The following B3GALT1 variants were observed in gnomAD, a reference collection of about 807,000 sequenced individuals.
B3GALT1 encodes beta-1,3-galactosyltransferase 1, also known as UDP-Gal:betaGlcNAc beta 1,3-galactosyltransferase, polypeptide 1.
A neutral mutation model predicts 23.2 loss-of-function variants in B3GALT1; 10 were observed. The ratio of observed to expected loss-of-function variants is 0.43; its 90% CI spans 0.27 to 0.73. The LOEUF (loss-of-function observed/expected upper bound fraction) is 0.73. Among genes scored for constraint, B3GALT1 ranks in the 30% least tolerant of loss-of-function variants. The probability of loss-of-function intolerance (pLI) is 0.21; values close to 1 mark genes in which losing one functional copy is unlikely to be tolerated. For synonymous variants in B3GALT1, 156 were observed against 141.5 expected (o/e 1.10, Z -0.73); for missense variants, 299 against 405.4 (o/e 0.74, Z 2.25).
chr2:167,321,543 A>G (rs1170303755), intron 1 of B3GALT1, among the ~76,000 whole-genome samples: 2 of 152,054 alleles, frequency 1.3e-5, no homozygotes, highest in African/African-American at 4.8e-5. Flanking sequence ...ATCTCCCTGA[A>G]TATCCAAGCA....
chr2:167,538,520 C>T (rs2105372243), intron 2 of B3GALT1, among the ~76,000 whole-genome samples: 1 of 152,216 alleles, frequency 6.6e-6, no homozygotes, highest in East Asian at 1.9e-4. Context: ...TATTGTTTCA[C>T]CTTTTTGCTT....
chr2:167,537,442 T>C (rs1317811233), intron 2 of B3GALT1, among the ~76,000 whole-genome samples: 1 of 152,114 alleles, frequency 6.6e-6, no homozygotes, highest in Admixed American at 6.5e-5. Context: ...GAGAATCTAG[T>C]AAAGACAGCA....
At chr2:167,855,036 T>G (rs909577756) in intron 4 of B3GALT1, among the ~76,000 whole-genome samples, 13 of 152,138 alleles carry the variant, frequency 8.5e-5, no homozygotes, top group Admixed American at 2.0e-4. Flanking sequence ...GATACCTTAA[T>G]ATTGTTAAGG....
chr2:167,528,519 G>A (rs1683260806), intron 2 of B3GALT1, among the ~76,000 whole-genome samples: 1 of 152,088 alleles, frequency 6.6e-6, no homozygotes, highest in African/African-American at 2.4e-5. Context: ...AGACAAGAGT[G>A]TATAGTCCAT....
chr2:167,303,591 C>A (rs142969330), intron 1 of B3GALT1, among the ~76,000 whole-genome samples: 6 of 151,800 alleles, frequency 4.0e-5, no homozygotes, highest in African/African-American at 1.5e-4. Context: ...GCAAATAGCT[C>A]TTTCTGCTTG....
intron 1 of B3GALT1, among the ~76,000 whole-genome samples, chr2:167,339,152 A>G (rs1489648882): frequency 6.6e-6 from 1 of 152,222 alleles, no homozygotes; most frequent in African/African-American, 2.4e-5. Flanking sequence ...AGAAACTCAC[A>G]TAAGGATGTT....
At chr2:167,516,850 T>C (rs1408806247) in intron 2 of B3GALT1, among the ~76,000 whole-genome samples, 2 of 151,922 alleles carry the variant, frequency 1.3e-5, no homozygotes, top group Non-Finnish European at 2.9e-5. Context: ...CTCTCTTTAT[T>C]ACTTCTTTTT....
At chr2:167,815,684 C>T (rs1482539206) in intron 3 of B3GALT1, among the ~76,000 whole-genome samples, 8 of 152,100 alleles carry the variant, frequency 5.3e-5, no homozygotes, top group South Asian at 2.1e-4. Context: ...TAAACAGCAC[C>T]GGCAAAATTC....
chr2:167,865,020 A>G (rs1358897091), intron 4 of B3GALT1, among the ~76,000 whole-genome samples: 1 of 152,024 alleles, frequency 6.6e-6, no homozygotes, highest in Non-Finnish European at 1.5e-5. Context: ...TGTTTCTGTT[A>G]TATTTCTCCT....
chr2:167,567,305 A>G (rs1684189796), intron 2 of B3GALT1, among the ~76,000 whole-genome samples: 1 of 152,194 alleles, frequency 6.6e-6, no homozygotes, highest in African/African-American at 2.4e-5. Flanking sequence ...ATAGTGTTCA[A>G]ATGAATGTAA....
chr2:167,752,554 T>C (rs2105288135), intron 3 of B3GALT1, among the ~76,000 whole-genome samples: 1 of 151,616 alleles, frequency 6.6e-6, no homozygotes, highest in East Asian at 1.9e-4. Context: ...TTTCCATCAG[T>C]GCAGAATAAT....
rs1279138835 is a variant in B3GALT1 at position 167,295,246 on chromosome 2, A to AC, written c.-511+1912_-511+1913insC. On this transcript the variant is annotated intron_variant, in intron 1 of 4. Coordinates refer to ENST00000392690, the MANE Select transcript of B3GALT1 (RefSeq NM_020981.4). The stretch of plus-strand genomic sequence containing the variant: ...GACTAGTAAAAAATTGGTGCTAAGT[A>AC]TTTTCTTCTTAGCATTCATCATGTC... Among the ~76,000 whole-genome samples the AC allele has an allele frequency of 5.9e-5, 9 of 152,136 alleles. 1 individual carries two copies. Among genetic ancestry groups the AC allele is most frequent in the African/African-American group, 1.7e-4 (7 of 41,496 alleles).
chr2:167,369,853 TC>T (rs1453702969), intron 1 of B3GALT1, among the ~76,000 whole-genome samples: 3 of 152,196 alleles, frequency 2.0e-5, no homozygotes, highest in African/African-American at 7.2e-5. Flanking sequence ...AAAGTAAAAT[TC>T]AGCACAGTGC....
chr2:167,795,693 T>A (rs1374279), intron 3 of B3GALT1, among the ~76,000 whole-genome samples: 12,871 of 152,180 alleles, frequency 0.085, 712 homozygotes, highest in Middle Eastern at 0.21. Flanking sequence ...CTGGTTGGTT[T>A]TCTCATTTTT....
At chr2:167,778,198 G>A (rs1034942796) in intron 3 of B3GALT1, among the ~76,000 whole-genome samples, 2 of 152,144 alleles carry the variant, frequency 1.3e-5, no homozygotes, top group Non-Finnish European at 2.9e-5. Flanking sequence ...AAGATAGTAA[G>A]AAGGTTTTCT....
At chr2:167,499,019 T>G (rs989771999) in intron 2 of B3GALT1, among the ~76,000 whole-genome samples, 2 of 152,136 alleles carry the variant, frequency 1.3e-5, no homozygotes, top group Admixed American at 6.5e-5. Context: ...TTGTTGGTCG[T>G]TTTTTGAGTT....
chr2:167,349,275 A>G (rs1697274320), intron 1 of B3GALT1, among the ~76,000 whole-genome samples: 1 of 152,148 alleles, frequency 6.6e-6, no homozygotes, highest in Admixed American at 6.5e-5. Context: ...TACCTTAATC[A>G]TCCTTTTGTC....
At chr2:167,629,707 G>A (rs376892323) in intron 2 of B3GALT1, among the ~76,000 whole-genome samples, 72 of 151,720 alleles carry the variant, frequency 4.7e-4, no homozygotes, top group South Asian at 4.4e-3. Flanking sequence ...TCCCTAAGAC[G>A]CATTAGAATA....
chr2:167,696,810 CT>C (rs1237401649), intron 3 of B3GALT1, among the ~76,000 whole-genome samples: 14 of 152,160 alleles, frequency 9.2e-5, no homozygotes, highest in African/African-American at 3.4e-4. Context: ...ACTCGTCCAT[CT>C]CTTCTATCAA....
Sources: gnomAD v4.1 joint callset for allele counts (sites outside exome capture counted in the v4.1 genomes callset) on GRCh38, gnomAD v4.1.1 for gene constraint, MANE v1.5 for transcripts, NCBI Gene and HGNC (gene_info 2026-07-23, HGNC 2026-07-21) for gene names.